The following COL28A1 variants were observed in gnomAD, a reference collection of about 807,000 sequenced individuals.
COL28A1 encodes collagen alpha-1(XXVIII) chain.
In COL28A1, 161 loss-of-function variants were observed where a neutral mutation model predicts 150.2. The observed-to-expected ratio is 1.07, with a 90% confidence interval of 0.94 to 1.22. COL28A1 has a LOEUF of 1.22. Among genes scored for constraint, COL28A1 ranks in the 50% most tolerant of loss-of-function variants. The pLI is 0.00. For synonymous variants in COL28A1, 552 were observed against 469.7 expected, an observed-to-expected ratio of 1.18 and a Z score of -2.26; for missense variants, 1,617 against 1,388.3, an observed-to-expected ratio of 1.16 and a Z score of -2.62.
chr7:7,501,540 A>G, intron 11 of COL28A1, among the ~76,000 whole-genome samples: 1 of 152,224 alleles, frequency 6.6e-6, no homozygotes, highest in Non-Finnish European at 1.5e-5. Context: ...CCTCAGAAAG[A>G]CATCAAGAAA....
intron 15 of COL28A1, among the ~76,000 whole-genome samples, chr7:7,471,053 T>C (rs1353667100): frequency 7.2e-6 from 1 of 139,310 alleles, no homozygotes; most frequent in Non-Finnish European, 1.5e-5. Flanking sequence ...ATGGCACATG[T>C]ATACATATGT....
At position 7,415,765 on chromosome 7, in the gene COL28A1, C is replaced by T. The variant is rs371099418; in HGVS notation, c.2136+2094G>A. On this transcript the variant is annotated intron_variant, in intron 27 of 34. Coordinates refer to ENST00000399429, the MANE Select transcript of COL28A1 (RefSeq NM_001037763.3). Reference sequence around the variant, plus strand: ...GTGAGGCTGGTCTCAAACTCCTGACCTCATGATCCACCCACCTCGGCCTCC... The same window carrying T: ...GTGAGGCTGGTCTCAAACTCCTGACTTCATGATCCACCCACCTCGGCCTCC... Among the ~76,000 whole-genome samples, 208 of 152,190 alleles carry T rather than the reference C, an allele frequency of 1.4e-3. 2 individuals are homozygous for T. In the Middle Eastern group the frequency reaches 0.017, roughly 12 times the overall value.
chr7:7,358,816 A>G lies in COL28A1; in HGVS notation c.3206-11T>C, dbSNP rs760139169. 2 of 1,600,908 alleles carry G rather than the reference A, an allele frequency of 1.2e-6. No homozygotes were observed. Among genetic ancestry groups the G allele is most frequent in the Non-Finnish European group, 8.5e-7 (1 of 1,174,358 alleles). The stretch of plus-strand genomic sequence containing the variant: ...CCAAACATCTAGGATCTAGAGTGAG[A>G]AAAGGAAAATGTGTCACGGATTTTT... On this transcript the variant is annotated splice_polypyrimidine_tract_variant and intron_variant, in intron 34 of 34. Coordinates refer to ENST00000399429, the MANE Select transcript of COL28A1 (RefSeq NM_001037763.3).
chr7:7,394,006 C>T (rs573198459), intron 27 of COL28A1, among the ~76,000 whole-genome samples: 2 of 151,888 alleles, frequency 1.3e-5, no homozygotes, highest in East Asian at 3.9e-4. Flanking sequence ...GCAGCTAGCT[C>T]GGTGTCTGCC....
At position 7,373,386 on chromosome 7, in the gene COL28A1, G is replaced by C; in HGVS notation, c.2520C>G (p.Ile840Met). The change falls in exon 32 of 35, where the codon ATC becomes ATG. Residue 840 changes from isoleucine to methionine, a missense_variant. Transcript: ENST00000399429. This position sits in a 1 kb window ranked among gnomAD's most constrained non-coding sequence, Gnocchi z 4.1. ...LDLATARIGI[I>M]NYSHKVEKVA... is the part of the protein sequence containing the mutation. ...CCTTCTCCACCTTATGGCTATAGTT[G>C]ATTATGCCTATGCGGGCCGTGGCAA... 1 of 1,614,152 alleles carries C rather than the reference G, an allele frequency of 6.2e-7. No homozygotes were observed. Among genetic ancestry groups the C allele is most frequent in the Non-Finnish European group, 8.5e-7 (1 of 1,180,026 alleles).
chr7:7,424,437 C>T (rs1225964065), intron 25 of COL28A1, among the ~76,000 whole-genome samples: 2 of 152,088 alleles, frequency 1.3e-5, no homozygotes, highest in Non-Finnish European at 2.9e-5. Context: ...ACCGTAGGTA[C>T]CTAAGAAGTG....
chr7:7,507,633 G>A (rs1358941950), intron 9 of COL28A1, among the ~76,000 whole-genome samples: 1 of 151,850 alleles, frequency 6.6e-6, no homozygotes, highest in Non-Finnish European at 1.5e-5. Context: ...TATTTCATTC[G>A]GTCCCATAAC....
At chr7:7,500,799 C>G (rs923702600) in intron 11 of COL28A1, among the ~76,000 whole-genome samples, 1 of 152,058 alleles carries the variant, frequency 6.6e-6, no homozygotes. Context: ...AAAATATATC[C>G]TTTGCTTGGG....
At chr7:7,374,038 A>AAAAAAAAAAAAATATATATATATATATAT in intron 31 of COL28A1, among the ~76,000 whole-genome samples, 1 of 113,628 alleles carries the variant, frequency 8.8e-6, no homozygotes, top group African/African-American at 3.8e-5. Context: ...AAAAAAAAAA[A>AAAAAAAAAAAAATATATATATATATATAT]ATATATATAT....
At chr7:7,494,922 A>C (rs1345134191) in intron 11 of COL28A1, among the ~76,000 whole-genome samples, 1 of 152,198 alleles carries the variant, frequency 6.6e-6, no homozygotes, top group Non-Finnish European at 1.5e-5. Flanking sequence ...AAAAGAAAAG[A>C]AACAAAAGTT....
intron 27 of COL28A1, among the ~76,000 whole-genome samples, chr7:7,389,679 G>A (rs377512042): frequency 4.6e-5 from 7 of 152,246 alleles, no homozygotes; most frequent in African/African-American, 1.7e-4. Context: ...TCCTTGAGCA[G>A]TGGTTTGTAG....
intron 27 of COL28A1, among the ~76,000 whole-genome samples, chr7:7,410,427 ACTC>A (rs1282736823): frequency 1.3e-5 from 2 of 151,918 alleles, no homozygotes; most frequent in African/African-American, 4.8e-5. Context: ...TGTGGTCTCG[ACTC>A]CTCCTTTTTA....
Position 7,373,192 on chromosome 7 carries a change from C to G in COL28A1, c.2714G>C (p.Gly905Ala). ...VKKVALVITD[G>A]QTDSRDKEKL... ...CTCTTTATCACGAGAATCTGTCTGT[C>G]CATCAGTGATGACCAAGGCCACTTT... The change falls in exon 32 of 35, where the codon GGA becomes GCA. Residue 905 changes from glycine (G) to alanine (A), a missense_variant. Gly to Ala is a moderately conservative substitution (Grantham distance 60, BLOSUM62 0). Transcript: ENST00000399429. The surrounding 1 kb of genome is among the most constrained non-coding windows in gnomAD (Gnocchi z 4.1). 1 of 1,614,218 alleles carries G rather than the reference C, an allele frequency of 6.2e-7. No homozygotes were observed. The highest frequency in any genetic ancestry group is 8.5e-7 in the Non-Finnish European group (1 of 1,180,044).
chr7:7,478,958 AG>A (rs1339550705), intron 13 of COL28A1, among the ~76,000 whole-genome samples: 1 of 152,216 alleles, frequency 6.6e-6, no homozygotes, highest in Non-Finnish European at 1.5e-5. Flanking sequence ...GAGCCGGCTC[AG>A]CCCTCGGCCA....
At chr7:7,436,122 A>T (rs1395735347) in intron 23 of COL28A1, among the ~76,000 whole-genome samples, 2 of 152,252 alleles carry the variant, frequency 1.3e-5, no homozygotes, top group African/African-American at 4.8e-5. Flanking sequence ...GCCAGAGGCC[A>T]TTTAATGCCT....
At chr7:7,529,994 CG>C (rs1782257665) in intron 3 of COL28A1, among the ~76,000 whole-genome samples, 1 of 38,006 alleles carries the variant, frequency 2.6e-5, no homozygotes, top group African/African-American at 8.7e-5. Context: ...CCATTTACCC[CG>C]AATCCCCAAG....
intron 33 of COL28A1, among the ~76,000 whole-genome samples, chr7:7,363,659 C>T (rs1282284968): frequency 6.6e-6 from 1 of 151,934 alleles, no homozygotes; most frequent in African/African-American, 2.4e-5. Context: ...AGTCTTTTTT[C>T]TAGGTGCATA....
chr7:7,341,399 G>T, the COL28A1 span, among the ~76,000 whole-genome samples: 151,497 of 152,216 alleles, frequency 1, 75,391 homozygotes, highest in East Asian at 1. Context: ...TTTTTAAAAT[G>T]TATTTCCCTT....
Position 7,440,848 on chromosome 7 carries a change from T to G in COL28A1, c.1664A>C (p.Lys555Thr), listed in dbSNP as rs150698780. ...GQPGPKGDEG[K>T]KGSKGNQGQR... ...TCCTTGATTTCCTTTGCTCCCTTTC[T>G]TGCCTTCGTCACCCTAACAAAATAA... The change falls in exon 21 of 35, where the codon AAG becomes ACG. Residue 555 changes from lysine to threonine, a missense_variant. Lys to Thr is a moderately conservative substitution (Grantham distance 78, BLOSUM62 -1). Transcript: ENST00000399429. 153 of 1,528,492 alleles carry G rather than the reference T, an allele frequency of 1.0e-4. No homozygotes were observed. In the East Asian group the frequency reaches 3.4e-3, roughly 34 times the overall value. 94.7% of individuals were successfully genotyped at this position (1,528,492 alleles called of 1,614,324 possible).
Sources: gnomAD v4.1 joint callset for allele counts (sites outside exome capture counted in the v4.1 genomes callset) on GRCh38, gnomAD v4.1.1 for gene constraint, Gnocchi (gnomAD v3.1) non-coding constraint, MANE v1.5 for transcripts, NCBI Gene and HGNC (gene_info 2026-07-23, HGNC 2026-07-21) for gene names.